TSC2: variants seen among roughly 807,000 people sequenced by gnomAD.
TSC2 encodes the protein tuberin.
A neutral mutation model predicts 202.2 loss-of-function variants in TSC2; 29 were observed. The observed-to-expected ratio is 0.14, with a 90% confidence interval of 0.11 to 0.20. The LOEUF (loss-of-function observed/expected upper bound fraction) is 0.20. Among genes scored for constraint, TSC2 ranks in the 10% least tolerant of loss-of-function variants. TSC2 has a pLI of 1.00. For missense variants in TSC2, 2,429 were observed against 2,420.0 expected (o/e 1.00, Z -0.08); for synonymous variants, 1,349 against 1,044.0 (o/e 1.29, Z -5.63).
rs2151069792 is a variant in TSC2, at chr16:2,056,137, C to T, written c.600-59C>T. On this transcript the variant is annotated intron_variant, in intron 6 of 41. Coordinates refer to ENST00000219476, the MANE Select transcript of TSC2 (RefSeq NM_000548.5). ...CGTCATAGAGTGACTAGACCACAGC[C>T]CGTGGTGGCTCGGCCATCCAGGCAG... The T allele has an allele frequency of 1.9e-6, 3 of 1,607,612 alleles. No homozygotes were observed. The African/African-American group carries it at 4.0e-5, about 21-fold the overall frequency.
At position 2,081,599 on chromosome 16, in the gene TSC2, C is replaced by T. The variant is rs924403519; in HGVS notation, c.3615C>T (p.Asn1205=). 6.2e-7 allele frequency: 1 copy of T among 1,612,788 alleles called. No individual in the cohort carries two copies. Among genetic ancestry groups the T allele is most frequent in the Non-Finnish European group, 8.5e-7 (1 of 1,180,012 alleles). ...AEILVRRPTG[N]TSWLMSLENP... ...AAGGTGCTGCCGCCTCCGCAGGGAA[C>T]ACCAGCTGGCTGATGAGCCTGGAGA... The change falls in exon 31 of 42, where the codon AAC becomes AAT. Residue 1205 remains asparagine, a synonymous_variant. Coordinates refer to ENST00000219476, the MANE Select transcript of TSC2 (RefSeq NM_000548.5).
At position 2,088,646 on chromosome 16, in the gene TSC2, GTATTGCCTGTCAGTGAAA is replaced by G. The variant is rs779268900; in HGVS notation, c.*39_*56del. On this transcript the variant is annotated 3_prime_UTR_variant, in exon 42 of 42. Coordinates refer to ENST00000219476, the MANE Select transcript of TSC2 (RefSeq NM_000548.5). ...CTCCCTCCTGCACTGGCCTTGGACG[GTATTGCCTGTCAGTGAAA>G]TAAATAAAGTCCTGACCCCAGTGCA... The G allele has an allele frequency of 9.5e-6, 15 of 1,583,274 alleles. No individual in the cohort carries two copies. The highest frequency in any genetic ancestry group is 1.7e-4 in the Middle Eastern group (1 of 6,050).
chr16:2,068,310 G>A lies in TSC2; in HGVS notation c.1717-2146G>A, dbSNP rs568719308. Among the ~76,000 whole-genome samples, 486 of 152,278 alleles carry A rather than the reference G, an allele frequency of 3.2e-3. 2 individuals are homozygous for A. Among genetic ancestry groups the A allele is most frequent in the Middle Eastern group, 0.01 (3 of 294 alleles). ...CCACCCCAGACCCCCAAAGTGTTGGGATTACAGGCGTGAGCCATCGTGCCT... is the reference window on the plus strand; with the variant it reads ...CCACCCCAGACCCCCAAAGTGTTGGAATTACAGGCGTGAGCCATCGTGCCT... On this transcript the variant is annotated intron_variant, in intron 16 of 41. Coordinates refer to ENST00000219476, the MANE Select transcript of TSC2 (RefSeq NM_000548.5).
chr16:2,072,976 C>G lies in TSC2; in HGVS notation c.2348C>G (p.Thr783Ser), dbSNP rs562945619. 623 of 1,613,518 alleles carry G rather than the reference C, an allele frequency of 3.9e-4. 10 individuals are homozygous for G. In the South Asian group the frequency reaches 6.6e-3, roughly 17 times the overall value. ...TCTTACCATAACTACCTGGACAAAA[C>G]CAAACAGGTAGGAGGTCAGAGCAGG... ...LISYHNYLDK[T>S]KQREMVYCLE... The change falls in exon 21 of 42, where the codon ACC (threonine) becomes AGC (serine). Residue 783 changes from threonine to serine, a missense_variant. Transcript: ENST00000219476.
At chr16:2,069,628 C>T (rs904140329) in intron 16 of TSC2, among the ~76,000 whole-genome samples, 2 of 152,166 alleles carry the variant, frequency 1.3e-5, no homozygotes, top group Non-Finnish European at 2.9e-5. Context: ...TACAGGTGCC[C>T]ACCACCACGC....
Position 2,089,458 on chromosome 16 carries a change from C to T in TSC2, c.*848C>T, listed in dbSNP as rs752472135. ...GCACAGCCCGCTGTACCTGAGGACT[C>T]GGGGAAATAAATTAGCATCTCAGAG... On this transcript the variant is annotated 3_prime_UTR_variant, in exon 42 of 42. Coordinates refer to ENST00000219476, the MANE Select transcript of TSC2 (RefSeq NM_000548.5). The T allele has an allele frequency of 4.3e-5, 23 of 540,350 alleles. No individual in the cohort carries two copies. Among genetic ancestry groups the T allele is most frequent in the Non-Finnish European group, 6.0e-5 (18 of 301,392 alleles). 33.5% of individuals were successfully genotyped at this position (540,350 alleles called of 1,614,324 possible).
chr16:2,089,160 C>G lies in TSC2; in HGVS notation c.*550C>G, dbSNP rs769130086. 5.9e-6 allele frequency: 1 copy of G among 170,496 alleles called. No individual in the cohort carries two copies. Among genetic ancestry groups the G allele is most frequent in the South Asian group, 1.5e-4 (1 of 6,476 alleles). 10.6% of individuals were successfully genotyped at this position (170,496 alleles called of 1,614,324 possible). ...CCAAGCAGCAGCCGGGCTGCCATAACGCCACCACACCTACCAAGCGCAGCA... is the reference window on the plus strand; with the variant it reads ...CCAAGCAGCAGCCGGGCTGCCATAAGGCCACCACACCTACCAAGCGCAGCA... On this transcript the variant is annotated 3_prime_UTR_variant, in exon 42 of 42. Coordinates refer to ENST00000219476, the MANE Select transcript of TSC2 (RefSeq NM_000548.5).
Position 2,077,730 on chromosome 16 carries a change from G to T in TSC2, c.2966+4G>T, listed in dbSNP as rs1235253082. ...TGTCTGAACATGTGGTCCGCAGGTAGCGGGACTGTCGGGTGGGGGGCACGG... is the reference window on the plus strand; with the variant it reads ...TGTCTGAACATGTGGTCCGCAGGTATCGGGACTGTCGGGTGGGGGGCACGG... On this transcript the variant is annotated splice_donor_region_variant and intron_variant, in intron 26 of 41. Coordinates refer to ENST00000219476, the MANE Select transcript of TSC2 (RefSeq NM_000548.5). 4 of 1,612,196 alleles carry T rather than the reference G, an allele frequency of 2.5e-6. No individual in the cohort carries two copies. Among genetic ancestry groups the T allele is most frequent in the Non-Finnish European group, 3.4e-6 (4 of 1,180,014 alleles).
At chr16:2,080,561 G>A (rs1287880492) in intron 30 of TSC2, 184 bp downstream of exon 30, 3 of 686,646 alleles carry the variant, frequency 4.4e-6, no homozygotes, top group South Asian at 1.9e-5. Context: ...TCGGCTCACT[G>A]CAAGCTCCAC....
Position 2,089,423 on chromosome 16 carries a change from G to C in TSC2, c.*813G>C, listed in dbSNP as rs755653968. On this transcript the variant is annotated 3_prime_UTR_variant, in exon 42 of 42. Coordinates refer to ENST00000219476, the MANE Select transcript of TSC2 (RefSeq NM_000548.5). Reference sequence around the variant, plus strand: ...GCAGTGGGGGACATCTGCCCAGGGGGTGGGGCCGGGCACAGCCCGCTGTAC... The same window carrying C: ...GCAGTGGGGGACATCTGCCCAGGGGCTGGGGCCGGGCACAGCCCGCTGTAC... 1 of 475,324 alleles carries C rather than the reference G, an allele frequency of 2.1e-6. No individual in the cohort carries two copies. Among genetic ancestry groups the C allele is most frequent in the Non-Finnish European group, 3.8e-6 (1 of 262,006 alleles). 29.4% of individuals were successfully genotyped at this position (475,324 alleles called of 1,614,324 possible).
Position 2,055,160 on chromosome 16 carries a change from G to T in TSC2, c.482-242G>T, listed in dbSNP as rs1567402222. 8.5e-6 allele frequency: 5 copies of T among 591,590 alleles called. No homozygotes were observed. In the East Asian group the frequency reaches 1.2e-4, roughly 14 times the overall value. The allele number at this position is 591,590 out of a possible 1,614,324, so 36.6% of individuals were successfully genotyped here. ...GCATACACACTTCTGCTGCCGCCTCGGCACAGACCCTCTGTGCAGCCCCAG... is the reference window on the plus strand; with the variant it reads ...GCATACACACTTCTGCTGCCGCCTCTGCACAGACCCTCTGTGCAGCCCCAG... On this transcript the variant is annotated intron_variant, in intron 5 of 41. Transcript: ENST00000219476.
intron 14 of TSC2, chr16:2,063,826 A>C: frequency 3.8e-6 from 1 of 264,550 alleles, no homozygotes; most frequent in South Asian, 4.3e-5. Context: ...CTTCTGTGAA[A>C]ACTCACGCTG....
In TSC2 at chr16:2,086,769, C is replaced by T. The variant is rs137854152; in HGVS notation, c.4887C>T (p.Asp1629=). The T allele has an allele frequency of 3.7e-5, 60 of 1,611,198 alleles. No homozygotes were observed. The highest frequency in any genetic ancestry group is 1.6e-4 in the African/African-American group (12 of 74,886). ...FHIATLMPTK[D]VDKHRCDKKR... ...TCGCCACCCTGATGCCCACCAAGGA[C>T]GTGGACAAGCACCGCTGCGACAAGA... Residue 1629 remains aspartate, a synonymous_variant, in exon 38 of 42, where the codon GAC becomes GAT. Coordinates refer to ENST00000219476, the MANE Select transcript of TSC2 (RefSeq NM_000548.5).
chr16:2,071,793 G>T lies in TSC2; in HGVS notation c.1956G>T (p.Glu652Asp), dbSNP rs2151303863. ...PYCVCDYMEP[E>D]RGSEKKTSGP... ...TCTCTTGCTTCTGCAGGGAGCCAGA[G>T]AGAGGCTCTGAGAAGAAGACCAGCG... is the stretch of plus-strand genomic sequence containing the variant. The change falls in exon 19 of 42, where the codon GAG becomes GAT. Residue 652 changes from glutamate (E) to aspartate (D), a missense_variant. Coordinates refer to ENST00000219476, the MANE Select transcript of TSC2 (RefSeq NM_000548.5). 1 of 1,606,574 alleles carries T rather than the reference G, an allele frequency of 6.2e-7. No individual in the cohort carries two copies. Among genetic ancestry groups the T allele is most frequent in the East Asian group, 2.2e-5 (1 of 44,628 alleles).
At position 2,048,366 on chromosome 16, in the gene TSC2, C is replaced by T; in HGVS notation, c.-29-221C>T. ...AGTCGGGCGGGGCGGGCGGCAGCGT[C>T]TGAGTAGAGAGCTCTCTAGACCAGG... On this transcript the variant is annotated intron_variant, in intron 1 of 41. Coordinates refer to ENST00000219476, the MANE Select transcript of TSC2 (RefSeq NM_000548.5). 5.8e-6 allele frequency: 5 copies of T among 864,804 alleles called. No individual in the cohort carries two copies. In the Admixed American group the frequency reaches 6.2e-5, roughly 11 times the overall value. 53.6% of individuals were successfully genotyped at this position (864,804 alleles called of 1,614,324 possible).
rs764108528 is a variant in TSC2, at chr16:2,084,725, T to G, written c.4493+10T>G. The G allele has an allele frequency of 6.3e-7, 1 of 1,598,394 alleles. No homozygotes were observed. Among genetic ancestry groups the G allele is most frequent in the South Asian group, 1.1e-5 (1 of 91,080 alleles). On this transcript the variant is annotated intron_variant, in intron 34 of 41. Coordinates refer to ENST00000219476, the MANE Select transcript of TSC2 (RefSeq NM_000548.5). ...CAGGCATCAACCCCAGGTGGGCCTC[T>G]TGCTTCCGGGCGGGGCTCCTGACAC...
Position 2,088,937 on chromosome 16 carries a change from G to C in TSC2, c.*327G>C, listed in dbSNP as rs577103612. 1.9e-5 allele frequency: 7 copies of C among 377,224 alleles called. No individual in the cohort carries two copies. The East Asian group carries it at 2.6e-4, about 14-fold the overall frequency. The allele number at this position is 377,224 out of a possible 1,614,324, so 23.4% of individuals were successfully genotyped here. On this transcript the variant is annotated 3_prime_UTR_variant, in exon 42 of 42. Coordinates refer to ENST00000219476, the MANE Select transcript of TSC2 (RefSeq NM_000548.5). ...CACCCTGGGAGCCAGCCCCCAGGAG[G>C]AGTCTTTTCCTCTAACCACCCTGGG...
chr16:2,081,978 C>G, intron 31 of TSC2, 180 bp downstream of exon 31: 1 of 893,946 alleles, frequency 1.1e-6, no homozygotes, highest in African/African-American at 1.6e-5. Context: ...AGGTGTCTGC[C>G]CTGCTCAGGA....
chr16:2,088,640 T>G lies in TSC2; in HGVS notation c.*30T>G, dbSNP rs1336791445. 6.3e-7 allele frequency: 1 copy of G among 1,588,436 alleles called. No individual in the cohort carries two copies. ...GGGGCCCTCCCTCCTGCACTGGCCT[T>G]GGACGGTATTGCCTGTCAGTGAAAT... On this transcript the variant is annotated 3_prime_UTR_variant, in exon 42 of 42. Transcript: ENST00000219476.
Sources: gnomAD v4.1 joint callset for allele counts (sites outside exome capture counted in the v4.1 genomes callset) on GRCh38, gnomAD v4.1.1 for gene constraint, MANE v1.5 for transcripts, NCBI Gene and HGNC (gene_info 2026-07-23, HGNC 2026-07-21) for gene names.